Variants in DZIP3 observed in about 807,000 individuals in gnomAD.
DZIP3 encodes DAZ interacting zinc finger protein 3.
Under a neutral mutation model 162.0 loss-of-function variants are expected in DZIP3, and 118 were observed. That is an observed-to-expected ratio of 0.73 (90% confidence interval 0.63 to 0.85). DZIP3 has a LOEUF of 0.85. Ranked by LOEUF, DZIP3 falls within the 40% of genes least tolerant of loss-of-function variation. The pLI is 0.00. For synonymous variants in DZIP3, 438 were observed against 458.6 expected (o/e 0.96, Z 0.57); for missense variants, 1,331 against 1,407.0 (o/e 0.95, Z 0.86).
At chr3:108,616,305 TA>T (rs71629359) in intron 4 of DZIP3, among the ~76,000 whole-genome samples, 29 of 145,262 alleles carry the variant, frequency 2.0e-4, no homozygotes, top group Admixed American at 1.3e-3. Flanking sequence ...AATAAATAAA[TA>T]AAATAAAATT....
At chr3:108,644,069 T>G in intron 13 of DZIP3, 95 bp from the exon 14 acceptor site, 1 of 1,426,728 alleles carries the variant, frequency 7.0e-7, no homozygotes, top group Non-Finnish European at 9.3e-7. Flanking sequence ...TTGGAATAGT[T>G]TTTATCCTAC....
intron 5 of DZIP3, among the ~76,000 whole-genome samples, chr3:108,618,555 C>T (rs1347351933): frequency 6.6e-6 from 1 of 152,116 alleles, no homozygotes; most frequent in Non-Finnish European, 1.5e-5. Context: ...ACTGCCTCTT[C>T]AGGGATGAGA....
At chr3:108,682,835 C>T (rs995985996) in intron 26 of DZIP3, among the ~76,000 whole-genome samples, 1 of 150,626 alleles carries the variant, frequency 6.6e-6, no homozygotes, top group African/African-American at 2.5e-5. Context: ...TTACACCATA[C>T]ATGTATACAT....
chr3:108,680,710 G>A (rs919240535), intron 26 of DZIP3, among the ~76,000 whole-genome samples: 2 of 151,918 alleles, frequency 1.3e-5, no homozygotes, highest in Non-Finnish European at 2.9e-5. Flanking sequence ...AAATTACAAG[G>A]TATCACCTCT....
At chr3:108,603,846 T>G (rs1404871537) in intron 1 of DZIP3, among the ~76,000 whole-genome samples, 1 of 152,184 alleles carries the variant, frequency 6.6e-6, no homozygotes, top group African/African-American at 2.4e-5. Context: ...TCCACAGGAC[T>G]TCTTTTAGTC....
intron 21 of DZIP3, among the ~76,000 whole-genome samples, chr3:108,664,893 G>A (rs905791350): frequency 1.3e-5 from 2 of 152,180 alleles, no homozygotes; most frequent in Non-Finnish European, 2.9e-5. Context: ...TCTCTCGTCT[G>A]CACTGAGGCA....
Position 108,694,743 on chromosome 3 carries a change from AT to A in DZIP3, c.*1391del, listed in dbSNP as rs1232572405. The A allele has an allele frequency of 6.6e-6, 1 of 152,234 alleles. No individual in the cohort carries two copies. Among genetic ancestry groups the A allele is most frequent in the African/African-American group, 2.4e-5 (1 of 41,466 alleles). The allele number at this position is 152,234 out of a possible 1,614,324, so 9.4% of individuals were successfully genotyped here. A position where few individuals can be genotyped will look rare whatever the true frequency, so the allele number is the denominator to read the frequency against. ...CATATCACACCTTAAGGTCATGGTCATATAGCTAGTTATCTTGTAAAACCAA... is the reference window on the plus strand; with the variant it reads ...CATATCACACCTTAAGGTCATGGTCAATAGCTAGTTATCTTGTAAAACCAA... On this transcript the variant is annotated 3_prime_UTR_variant, in exon 33 of 33. Transcript: ENST00000361582.
rs143548698 is a variant in DZIP3, at chr3:108,640,185, T to C, written c.1065-2253T>C. 8.5e-5 allele frequency among the ~76,000 whole-genome samples: 13 copies of C among 152,294 alleles called. No homozygotes were observed. In the East Asian group the frequency reaches 2.5e-3, roughly 29 times the overall value. ...GTTCTACTTGGATTTGTAAATAATG[T>C]GTCTTCTGATCTTGAATGAAATAGT... On this transcript the variant is annotated intron_variant, in intron 12 of 32. Coordinates refer to ENST00000361582, the MANE Select transcript of DZIP3 (RefSeq NM_014648.4).
chr3:108,591,990 A>AC (rs933886836), intron 1 of DZIP3, among the ~76,000 whole-genome samples: 9 of 151,126 alleles, frequency 6.0e-5, no homozygotes, highest in South Asian at 2.1e-4. Flanking sequence ...AAAAAAAAAA[A>AC]AAAAAAAGAG....
rs377289184 is a variant in DZIP3 at position 108,686,573 on chromosome 3, A to G, written c.3138A>G (p.Pro1046=). 32 of 1,605,068 alleles carry G rather than the reference A, an allele frequency of 2.0e-5. No individual in the cohort carries two copies. Among genetic ancestry groups the G allele is most frequent in the Non-Finnish European group, 2.5e-5 (29 of 1,177,066 alleles). ...CAGACAGGCTGAAAACTGCCTTTCC[A>G]CAGCAAACCAGGTACCTTAGTTTTT... ...RITDRLKTAF[P]QQTRKELTDF... is the part of the protein sequence containing the mutation. Residue 1046 remains proline, a synonymous_variant, in exon 28 of 33, where the codon CCA becomes CCG. Coordinates refer to ENST00000361582, the MANE Select transcript of DZIP3 (RefSeq NM_014648.4).
intron 15 of DZIP3, among the ~76,000 whole-genome samples, chr3:108,647,716 G>A (rs927785360): frequency 6.6e-6 from 1 of 152,126 alleles, no homozygotes; most frequent in African/African-American, 2.4e-5. Context: ...GATTCCAGTA[G>A]GTAACATAGC....
chr3:108,692,987 T>G (rs9845426), intron 32 of DZIP3, among the ~76,000 whole-genome samples: 2,866 of 151,076 alleles, frequency 0.019, 97 homozygotes, highest in African/African-American at 0.066. Context: ...CTTGTCAATC[T>G]GTCTTTTGTT....
intron 13 of DZIP3, 122 bp downstream of exon 13, chr3:108,642,636 T>G (rs1942453346): frequency 1.4e-5 from 16 of 1,106,072 alleles, no homozygotes; most frequent in Non-Finnish European, 1.7e-5. Context: ...TGAGCTTGGG[T>G]TTATACCAGC....
upstream of DZIP3, chr3:108,589,574 T>C (rs952932721): frequency 5.6e-5 from 27 of 480,378 alleles, no homozygotes; most frequent in Non-Finnish European, 9.3e-5. Flanking sequence ...GTCGAGGTGA[T>C]TTGTGGGTCC....
At chr3:108,602,456 G>A (rs747125807) in intron 1 of DZIP3, among the ~76,000 whole-genome samples, 22 of 152,134 alleles carry the variant, frequency 1.4e-4, no homozygotes, top group Admixed American at 1.2e-3. Flanking sequence ...ATAAAGGTGT[G>A]CTGTAAATTG....
At position 108,686,486 on chromosome 3, in the gene DZIP3, C is replaced by T. The variant is rs749659882; in HGVS notation, c.3051C>T (p.Asp1017=). ...IAWALPAPVG[D]AVPPSAGLRS... is the part of the protein sequence containing the mutation. ...GGGCTCTGCCAGCGCCTGTGGGAGACGCTGTGCCTCCCAGTGCAGGTCTGC... is the reference window on the plus strand; with the variant it reads ...GGGCTCTGCCAGCGCCTGTGGGAGATGCTGTGCCTCCCAGTGCAGGTCTGC... The change falls in exon 28 of 33, where the codon GAC becomes GAT. Residue 1017 remains aspartate, a synonymous_variant. Coordinates refer to ENST00000361582, the MANE Select transcript of DZIP3 (RefSeq NM_014648.4). The T allele has an allele frequency of 1.1e-5, 17 of 1,611,256 alleles. No homozygotes were observed. The highest frequency in any genetic ancestry group is 1.7e-4 in the Middle Eastern group (1 of 6,040).
chr3:108,683,725 A>C (rs1466684971), intron 26 of DZIP3, among the ~76,000 whole-genome samples: 1 of 152,190 alleles, frequency 6.6e-6, no homozygotes, highest in Non-Finnish European at 1.5e-5. Flanking sequence ...ACATTAAGTC[A>C]AAATTTCATC....
chr3:108,664,595 C>A (rs1203118149), intron 21 of DZIP3, among the ~76,000 whole-genome samples: 1 of 152,238 alleles, frequency 6.6e-6, no homozygotes, highest in Non-Finnish European at 1.5e-5. Flanking sequence ...TTCATCCTTA[C>A]TCCCTCTCAC....
chr3:108,660,930 A>G (rs1387861583), intron 19 of DZIP3, among the ~76,000 whole-genome samples: 1 of 152,214 alleles, frequency 6.6e-6, no homozygotes, highest in African/African-American at 2.4e-5. Context: ...CAAAACCACA[A>G]TGAGATACCA....
Sources: gnomAD v4.1 joint callset for allele counts (sites outside exome capture counted in the v4.1 genomes callset) on GRCh38, gnomAD v4.1.1 for gene constraint, MANE v1.5 for transcripts, NCBI Gene and HGNC (gene_info 2026-07-23, HGNC 2026-07-21) for gene names.